The following PNLIPRP1 variants were observed in gnomAD, a reference collection of about 807,000 sequenced individuals.
The protein encoded by PNLIPRP1 is inactive pancreatic lipase-related protein 1.
Under a neutral mutation model 54.6 loss-of-function variants are expected in PNLIPRP1, and 57 were observed. The observed-to-expected ratio is 1.04, with a 90% CI of 0.84 to 1.30. PNLIPRP1 has a LOEUF of 1.30. Ranked by LOEUF, PNLIPRP1 falls within the 50% of genes most tolerant of loss-of-function variation. The pLI is 0.00. For synonymous variants in PNLIPRP1, 232 were observed against 208.8 expected, an observed-to-expected ratio of 1.11 and a Z score of -0.96; for missense variants, 567 against 568.5, an observed-to-expected ratio of 1.00 and a Z score of 0.03.
intron 6 of PNLIPRP1, among the ~76,000 whole-genome samples, chr10:116,596,804 A>G (rs1847745476): frequency 6.6e-6 from 1 of 152,218 alleles, no homozygotes; most frequent in Non-Finnish European, 1.5e-5. Flanking sequence ...TTTTAACCCA[A>G]TCAAAGCATT....
At chr10:116,608,988 A>AAACC in intron 12 of PNLIPRP1, 65 bp from the exon 13 acceptor site, 1 of 1,289,070 alleles carries the variant, frequency 7.8e-7, no homozygotes, top group East Asian at 2.3e-5. Context: ...AAACCAAAAC[A>AAACC]AAACAAAACA....
intron 6 of PNLIPRP1, 108 bp from the exon 7 acceptor site, chr10:116,597,720 T>C (rs1465828614): frequency 4.0e-6 from 5 of 1,243,094 alleles, no homozygotes; most frequent in Non-Finnish European, 5.8e-6. Context: ...CTCTGGTGCA[T>C]GGTACCCATT....
At chr10:116,592,653 T>C (rs1847661899) in intron 4 of PNLIPRP1, 112 bp downstream of exon 4, 2 of 1,293,892 alleles carry the variant, frequency 1.5e-6, no homozygotes, top group Admixed American at 1.8e-5. Context: ...CTTTATGCAA[T>C]TAAAATGCTT....
intron 11 of PNLIPRP1, among the ~76,000 whole-genome samples, chr10:116,605,149 C>T (rs547507037): frequency 6.6e-6 from 1 of 152,174 alleles, no homozygotes; most frequent in Non-Finnish European, 1.5e-5. Flanking sequence ...AAATGATATG[C>T]AGGAATTCTA....
rs782049777 is a variant in PNLIPRP1 at position 116,592,445 on chromosome 10, T to C, written c.234T>C (p.Ile78=). ...QILLLSDPST[I]EASNFQMDRK... Reference sequence around the variant, plus strand: ...TCCTCCTCTCTGATCCATCAACAATTGAGGCATCAAATTTTCAAATGGACA... The same window carrying C: ...TCCTCCTCTCTGATCCATCAACAATCGAGGCATCAAATTTTCAAATGGACA... The change falls in exon 4 of 13, where the codon ATT becomes ATC. Residue 78 remains isoleucine (I), a synonymous_variant. Transcript: ENST00000358834. The C allele has an allele frequency of 2.5e-6, 4 of 1,612,812 alleles. No homozygotes were observed. In the East Asian group the frequency reaches 8.9e-5, roughly 36 times the overall value.
At chr10:116,592,707 A>G (rs539295365) in intron 4 of PNLIPRP1, 166 bp downstream of exon 4, 9 of 830,540 alleles carry the variant, frequency 1.1e-5, no homozygotes, top group Middle Eastern at 2.2e-4. Context: ...TCCGCACTAC[A>G]TCTGCACACT....
intron 4 of PNLIPRP1, 194 bp from the exon 5 acceptor site, chr10:116,594,536 G>A: frequency 1.6e-6 from 1 of 637,514 alleles, no homozygotes; most frequent in Non-Finnish European, 2.7e-6. Context: ...AGCTGGAGGG[G>A]GAATCAGTTT....
chr10:116,595,430 C>T (rs902812478), intron 5 of PNLIPRP1: 3 of 153,858 alleles, frequency 1.9e-5, no homozygotes, highest in African/African-American at 7.2e-5. Context: ...AGTTGCTAAT[C>T]CTTTGTGACT....
chr10:116,600,057 C>T lies in PNLIPRP1; in HGVS notation c.825C>T (p.Asp275=). The change falls in exon 9 of 13, where the codon GAC becomes GAT. Residue 275 remains aspartate (D), a synonymous_variant. Coordinates refer to ENST00000358834, the MANE Select transcript of PNLIPRP1 (RefSeq NM_006229.4). The part of the protein sequence containing the change: ...DLDGIWAGTR[D]FVACNHLRSY... Reference sequence around the variant, plus strand: ...TATTTGTTTTCCCAGGAACCCGGGACTTTGTGGCTTGCAATCACCTAAGAA... The same window carrying T: ...TATTTGTTTTCCCAGGAACCCGGGATTTTGTGGCTTGCAATCACCTAAGAA... The T allele has an allele frequency of 6.2e-7, 1 of 1,613,392 alleles. No homozygotes were observed. Among genetic ancestry groups the T allele is most frequent in the Non-Finnish European group, 8.5e-7 (1 of 1,179,346 alleles).
intron 6 of PNLIPRP1, among the ~76,000 whole-genome samples, chr10:116,597,243 A>G (rs1292721887): frequency 3.9e-5 from 6 of 152,218 alleles, no homozygotes; most frequent in Non-Finnish European, 8.8e-5. Flanking sequence ...TTACTTATAC[A>G]CCCATGACTA....
In PNLIPRP1 at chr10:116,591,746, G is replaced by A. The variant is rs782507556; in HGVS notation, c.50-25G>A. The A allele has an allele frequency of 2.4e-5, 39 of 1,612,980 alleles. 1 individual carries two copies. In the East Asian group the frequency reaches 8.7e-4, roughly 36 times the overall value. On this transcript the variant is annotated intron_variant, in intron 2 of 12. Coordinates refer to ENST00000358834, the MANE Select transcript of PNLIPRP1 (RefSeq NM_006229.4). ...GAGCACACCTTGAGAGCAAATCCTT[G>A]AGCAGATTCAACCTTTCTCTGTAGG... is the stretch of plus-strand genomic sequence containing the variant.
chr10:116,604,681 CTTTTTTTTT>C (rs1234478269), intron 11 of PNLIPRP1, among the ~76,000 whole-genome samples: 1 of 94,128 alleles, frequency 1.1e-5, no homozygotes, highest in Non-Finnish European at 2.0e-5. Context: ...CTTTCTCTCT[CTTTTTTTTT>C]TTTTTTTTTT....
At chr10:116,599,784 C>T (rs1847800526) in intron 8 of PNLIPRP1, among the ~76,000 whole-genome samples, 1 of 152,120 alleles carries the variant, frequency 6.6e-6, no homozygotes, top group South Asian at 2.1e-4. Context: ...GATGATAATG[C>T]ATAAATAAGG....
At chr10:116,604,215 TATC>T (rs1847898419) in intron 11 of PNLIPRP1, 77 bp downstream of exon 11, 2 of 747,322 alleles carry the variant, frequency 2.7e-6, no homozygotes, top group South Asian at 3.5e-5. Context: ...TTTGAACACT[TATC>T]ATCTCTTTAT....
intron 12 of PNLIPRP1, among the ~76,000 whole-genome samples, chr10:116,607,043 AATAATG>A (rs112210801): frequency 0.066 from 9,985 of 151,374 alleles, 696 homozygotes; most frequent in East Asian, 0.4. Flanking sequence ...TAATAATAAT[AATAATG>A]AAGAAGCTAA....
chr10:116,598,946 T>G (rs1451924676), intron 8 of PNLIPRP1, among the ~76,000 whole-genome samples: 2 of 152,162 alleles, frequency 1.3e-5, no homozygotes, highest in African/African-American at 4.8e-5. Flanking sequence ...ATGGATGCCA[T>G]CAAAGCAAAT....
rs782004465 is a variant in PNLIPRP1, at chr10:116,609,095, G to A, written c.1383G>A (p.Leu461=). The A allele has an allele frequency of 1.2e-6, 2 of 1,612,546 alleles. No homozygotes were observed. The highest frequency in any genetic ancestry group is 1.7e-6 in the Non-Finnish European group (2 of 1,179,020). The change falls in exon 13 of 13, where the codon CTG becomes CTA. Residue 461 remains leucine (L), a synonymous_variant. Coordinates refer to ENST00000358834, the MANE Select transcript of PNLIPRP1 (RefSeq NM_006229.4). Reference sequence around the variant, plus strand: ...AAGACACAGTGCGGGAAGACACGCTGCTCACCCTCACGCCCTGCTAAGCTC... The same window carrying A: ...AAGACACAGTGCGGGAAGACACGCTACTCACCCTCACGCCCTGCTAAGCTC... ...CSEDTVREDT[L]LTLTPC is the part of the protein sequence containing the mutation.
At chr10:116,598,324 A>G (rs1009389659) in intron 8 of PNLIPRP1, among the ~76,000 whole-genome samples, 158 bp downstream of exon 8, 2 of 152,162 alleles carry the variant, frequency 1.3e-5, no homozygotes, top group African/African-American at 4.8e-5. Flanking sequence ...GCTACATAGT[A>G]TTTGTTATAT....
intron 8 of PNLIPRP1, among the ~76,000 whole-genome samples, chr10:116,599,691 T>C (rs1034615211): frequency 3.3e-5 from 5 of 152,002 alleles, no homozygotes; most frequent in Admixed American, 6.6e-5. Flanking sequence ...TGGGCATGGG[T>C]TTAATTACCA....
Sources: allele counts gnomAD v4.1 joint callset (sites outside exome capture counted in the v4.1 genomes callset), GRCh38; gene constraint gnomAD v4.1.1; transcripts MANE v1.5; gene names NCBI Gene and HGNC (gene_info 2026-07-23, HGNC 2026-07-21).